The following SMG6 variants were observed in gnomAD, a reference collection of about 807,000 sequenced individuals.
SMG6 encodes the protein SMG6 nonsense mediated mRNA decay factor, also known as telomerase-binding protein EST1A.
A neutral mutation model predicts 142.2 loss-of-function variants in SMG6; 66 were observed. That is an observed-to-expected ratio of 0.46 (90% CI 0.38 to 0.57). The LOEUF (loss-of-function observed/expected upper bound fraction) is 0.57. SMG6 is among the 20% of genes least tolerant of loss of function. The pLI, the probability that SMG6 is intolerant of heterozygous loss-of-function variation, is 0.00. For missense variants in SMG6, 1,793 were observed against 1,832.0 expected (o/e 0.98, Z 0.39); for synonymous variants, 779 against 702.4 (o/e 1.11, Z -1.72).
intron 13 of SMG6, among the ~76,000 whole-genome samples, chr17:2,118,817 G>A (rs2069589138): frequency 6.6e-6 from 1 of 151,476 alleles, no homozygotes; most frequent in Non-Finnish European, 1.5e-5. Flanking sequence ...TCGAATTCCT[G>A]GACTGAAGGG....
At chr17:2,124,225 G>A (rs936972153) in intron 13 of SMG6, among the ~76,000 whole-genome samples, 7 of 152,224 alleles carry the variant, frequency 4.6e-5, no homozygotes, top group African/African-American at 1.4e-4. Context: ...ATCAACTGTA[G>A]TGTGGGAAAT....
At chr17:2,110,190 C>T (rs1039651282) in intron 13 of SMG6, among the ~76,000 whole-genome samples, 19 of 151,366 alleles carry the variant, frequency 1.3e-4, no homozygotes, top group Admixed American at 9.9e-4. Context: ...CAAAGGAGTT[C>T]AATGAGATAT....
chr17:2,286,424 T>C (rs1412971927), intron 6 of SMG6, among the ~76,000 whole-genome samples: 2 of 150,618 alleles, frequency 1.3e-5, no homozygotes, highest in Admixed American at 6.6e-5. Context: ...TATAAATCAA[T>C]GGAAGAAAAC....
Position 2,299,485 on chromosome 17 carries a change from C to T in SMG6, c.1268G>A (p.Gly423Asp). The stretch of plus-strand genomic sequence containing the variant: ...TCCCAAAGGCGCGGACTCTGGAGAA[C>T]CTGCTGAATTGACAGATAGGGTGGT... Reference protein sequence around the residue: ...AHTTLSVNSAGSPESAPLGPR... With the variant: ...AHTTLSVNSADSPESAPLGPR... Residue 423 changes from glycine to aspartate, a missense_variant, in exon 2 of 19, where the codon GGT becomes GAT. Physicochemically the swap from Gly to Asp is moderately conservative, Grantham distance 94. Transcript: ENST00000263073. This position sits in a 1 kb window ranked among gnomAD's most constrained non-coding sequence, Gnocchi z 4.3. 7.4e-6 allele frequency: 12 copies of T among 1,614,126 alleles called. No homozygotes were observed. The highest frequency in any genetic ancestry group is 1.0e-5 in the Non-Finnish European group (12 of 1,180,016).
intron 6 of SMG6, among the ~76,000 whole-genome samples, chr17:2,286,122 A>C (rs1251277475): frequency 6.6e-6 from 1 of 152,226 alleles, no homozygotes; most frequent in Admixed American, 6.5e-5. Context: ...AAAGAAATTA[A>C]AGAACGAAGT....
intron 13 of SMG6, among the ~76,000 whole-genome samples, chr17:2,167,496 A>G (rs921184415): frequency 1.4e-4 from 21 of 152,374 alleles, no homozygotes; most frequent in African/African-American, 4.3e-4. Flanking sequence ...TTCTGCTTCA[A>G]AGATACAATG....
chr17:2,126,021 G>C (rs759106029), intron 13 of SMG6, among the ~76,000 whole-genome samples: 1 of 148,038 alleles, frequency 6.8e-6, no homozygotes, highest in Non-Finnish European at 1.5e-5. Flanking sequence ...TCGTGAAAAA[G>C]AACAAAAGTT....
intron 8 of SMG6, among the ~76,000 whole-genome samples, chr17:2,251,947 C>T (rs2074055180): frequency 1.3e-5 from 2 of 151,450 alleles, no homozygotes; most frequent in Admixed American, 1.3e-4. Context: ...ACTAAAAATA[C>T]AAAATTAGCC....
intron 10 of SMG6, among the ~76,000 whole-genome samples, chr17:2,190,863 C>A (rs557666523): frequency 1.3e-5 from 2 of 152,280 alleles, no homozygotes; most frequent in South Asian, 2.1e-4. Flanking sequence ...CCATCTGATG[C>A]GGAGTATTAA....
At chr17:2,210,917 T>G (rs1312942177) in intron 10 of SMG6, among the ~76,000 whole-genome samples, 1 of 152,076 alleles carries the variant, frequency 6.6e-6, no homozygotes, top group Non-Finnish European at 1.5e-5. Context: ...GATTAGCTTC[T>G]GCTTGAGCAA....
Position 2,299,148 on chromosome 17 carries a change from C to T in SMG6, c.1605G>A (p.Thr535=), listed in dbSNP as rs1430422480. Residue 535 remains threonine (T), a synonymous_variant, in exon 2 of 19, where the codon ACG becomes ACA. Transcript: ENST00000263073. The surrounding 1 kb of genome is among the most constrained non-coding windows in gnomAD (Gnocchi z 4.3). ...AGTAAGGCCCTGGGTACACACCATT[C>T]GTAGGGCCCACTGGGTACTGTAGAG... The part of the protein sequence containing the change: ...YNPLQYPVGP[T]NGVYPGPYYP... The T allele has an allele frequency of 3.1e-6, 5 of 1,612,888 alleles. No individual in the cohort carries two copies. The highest frequency in any genetic ancestry group is 1.3e-5 in the African/African-American group (1 of 74,996).
intron 8 of SMG6, among the ~76,000 whole-genome samples, chr17:2,259,391 G>A (rs2074262600): frequency 6.6e-6 from 1 of 152,176 alleles, no homozygotes; most frequent in African/African-American, 2.4e-5. Flanking sequence ...TAAAGCAACA[G>A]GAGCCTGATG....
At chr17:2,276,950 T>G (rs951280507) in intron 8 of SMG6, among the ~76,000 whole-genome samples, 14 of 151,360 alleles carry the variant, frequency 9.2e-5, no homozygotes, top group Non-Finnish European at 1.3e-4. Context: ...CCTGGCTAAT[T>G]TTGTATTTTT....
chr17:2,210,045 G>A (rs1433670761), intron 10 of SMG6, among the ~76,000 whole-genome samples: 2 of 152,100 alleles, frequency 1.3e-5, no homozygotes, highest in African/African-American at 2.4e-5. Flanking sequence ...TACTTGGTGG[G>A]GAGAGAGAGG....
At chr17:2,201,622 T>C (rs2072526006) in intron 10 of SMG6, among the ~76,000 whole-genome samples, 1 of 149,322 alleles carries the variant, frequency 6.7e-6, no homozygotes, top group African/African-American at 2.5e-5. Flanking sequence ...GAGGTTGTAG[T>C]GAGCCGAGAC....
intron 8 of SMG6, among the ~76,000 whole-genome samples, chr17:2,248,999 G>C (rs2073985497): frequency 6.6e-6 from 1 of 151,142 alleles, no homozygotes; most frequent in East Asian, 2.0e-4. Flanking sequence ...CCATTCTCCT[G>C]TCTCAGCCTC....
chr17:2,273,027 G>A (rs1183759308), intron 8 of SMG6, among the ~76,000 whole-genome samples: 1 of 152,010 alleles, frequency 6.6e-6, no homozygotes, highest in Non-Finnish European at 1.5e-5. Flanking sequence ...CCACACCACT[G>A]TGCTTGGGGA....
At position 2,303,734 on chromosome 17, in the gene SMG6, G is replaced by C. The variant is rs766541175; in HGVS notation, c.-14C>G. The stretch of plus-strand genomic sequence containing the variant: ...CCCTTCCGCCATCTTCGCGGCTGCT[G>C]CTACAGCCGTAGCGGCTCCGCCACC... On this transcript the variant is annotated 5_prime_UTR_variant, in exon 1 of 19. Coordinates refer to ENST00000263073, the MANE Select transcript of SMG6 (RefSeq NM_017575.5). The C allele has an allele frequency of 2.6e-5, 39 of 1,489,388 alleles. No individual in the cohort carries two copies. The highest frequency in any genetic ancestry group is 1.9e-4 in the African/African-American group (13 of 68,676). The allele number at this position is 1,489,388 out of a possible 1,614,324, so 92.3% of individuals were successfully genotyped here. A position where few individuals can be genotyped will look rare whatever the true frequency, so the allele number is the denominator to read the frequency against.
At chr17:2,248,213 C>G (rs1413936207) in intron 8 of SMG6, among the ~76,000 whole-genome samples, 1 of 152,206 alleles carries the variant, frequency 6.6e-6, no homozygotes, top group Non-Finnish European at 1.5e-5. Context: ...TAGTAAATGG[C>G]AGAGTCAGAA....
Sources: gnomAD v4.1 joint callset for allele counts (sites outside exome capture counted in the v4.1 genomes callset) on GRCh38, gnomAD v4.1.1 for gene constraint, Gnocchi (gnomAD v3.1) non-coding constraint, MANE v1.5 for transcripts, NCBI Gene and HGNC (gene_info 2026-07-23, HGNC 2026-07-21) for gene names.